Variants in EPHX2 observed in about 807,000 individuals in gnomAD.
The protein encoded by EPHX2 is epoxide hydrolase 2.
In EPHX2, 74 loss-of-function variants were observed where a neutral mutation model predicts 78.7. The observed-to-expected ratio is 0.94, with a 90% confidence interval of 0.78 to 1.14. The LOEUF is 1.14. Ranked by LOEUF, EPHX2 falls within the 50% of genes most tolerant of loss-of-function variation. The pLI is 0.00. For synonymous variants in EPHX2, 251 were observed against 255.2 expected, an observed-to-expected ratio of 0.98 and a Z score of 0.16; for missense variants, 715 against 702.5, an observed-to-expected ratio of 1.02 and a Z score of -0.20.
chr8:27,548,099 G>A (rs17057357), downstream of EPHX2, among the ~76,000 whole-genome samples: 6,576 of 152,192 alleles, frequency 0.043, 250 homozygotes, highest in East Asian at 0.21. Context: ...TGTCAAGGAA[G>A]GACCACTTAG....
chr8:27,519,210 A>C (rs993687923), intron 9 of EPHX2, among the ~76,000 whole-genome samples: 1 of 152,250 alleles, frequency 6.6e-6, no homozygotes, highest in African/African-American at 2.4e-5. Context: ...AATGGAGACA[A>C]CCCACATGTC....
In EPHX2 at chr8:27,540,680, C is replaced by G. The variant is rs778219025; in HGVS notation, c.1379+24C>G. 1.9e-6 allele frequency: 3 copies of G among 1,603,328 alleles called. No individual in the cohort carries two copies. The South Asian group carries it at 3.3e-5, about 18-fold the overall frequency. ...AGGTAAAGAGAGCACAGGGCCCAGA[C>G]ACAGATGAGAGATGATCGACAGATA... On this transcript the variant is annotated intron_variant, in intron 15 of 18. Transcript: ENST00000521400.
chr8:27,542,574 G>A (rs72478904), intron 16 of EPHX2, among the ~76,000 whole-genome samples: 1,887 of 152,282 alleles, frequency 0.012, 36 homozygotes, highest in African/African-American at 0.043. Flanking sequence ...CTCTCAAAGC[G>A]TGGAGGAAAA....
chr8:27,514,973 T>G (rs557176404), intron 6 of EPHX2, among the ~76,000 whole-genome samples: 1 of 152,268 alleles, frequency 6.6e-6, no homozygotes, highest in Admixed American at 6.5e-5. Flanking sequence ...TAAACAGCTC[T>G]TAATGAAACA....
At chr8:27,537,564 T>C (rs923929569) in intron 13 of EPHX2, among the ~76,000 whole-genome samples, 2 of 152,234 alleles carry the variant, frequency 1.3e-5, no homozygotes, top group African/African-American at 4.8e-5. Flanking sequence ...TCCTGGACAC[T>C]GCAGTGTCTG....
In EPHX2 at chr8:27,544,774, A is replaced by T; in HGVS notation, c.*252A>T. On this transcript the variant is annotated 3_prime_UTR_variant, in exon 19 of 19. Transcript: ENST00000521400. ...CGTCCCTTTATCTGTAAGAACCCTTAGTGTCCTGTAGGGGGACAGAATGGG... is the reference window on the plus strand; with the variant it reads ...CGTCCCTTTATCTGTAAGAACCCTTTGTGTCCTGTAGGGGGACAGAATGGG... 3.8e-6 allele frequency: 2 copies of T among 527,268 alleles called. No homozygotes were observed. The highest frequency in any genetic ancestry group is 5.0e-5 in the South Asian group (2 of 40,334). The allele number at this position is 527,268 out of a possible 1,614,324, so 32.7% of individuals were successfully genotyped here.
At chr8:27,529,350 C>T (rs1563357723) in intron 12 of EPHX2, among the ~76,000 whole-genome samples, 1 of 152,178 alleles carries the variant, frequency 6.6e-6, no homozygotes, top group Non-Finnish European at 1.5e-5. Context: ...GTGGAATCGG[C>T]TGGGTCATTT....
intron 5 of EPHX2, among the ~76,000 whole-genome samples, chr8:27,509,256 T>C (rs536988801): frequency 2.0e-5 from 3 of 152,218 alleles, no homozygotes; most frequent in Admixed American, 6.5e-5. Context: ...ATAGATCACA[T>C]TGGGTTTATC....
chr8:27,497,075 T>G (rs1468326066), intron 1 of EPHX2, among the ~76,000 whole-genome samples: 1 of 152,156 alleles, frequency 6.6e-6, no homozygotes, highest in African/African-American at 2.4e-5. Flanking sequence ...TAACAGACCT[T>G]GAGGACAGCC....
intron 6 of EPHX2, among the ~76,000 whole-genome samples, chr8:27,514,795 C>T (rs977727214): frequency 7.2e-5 from 11 of 152,090 alleles, no homozygotes; most frequent in Admixed American, 2.0e-4. Flanking sequence ...CTCACTTGTG[C>T]GTCCACACCG....
intron 1 of EPHX2, chr8:27,492,921 G>C (rs796858109): frequency 3.2e-5 from 5 of 154,338 alleles, no homozygotes; most frequent in African/African-American, 1.2e-4. Context: ...CTGGGAACTG[G>C]GTGATGACCA....
chr8:27,516,184 G>C, intron 7 of EPHX2, 136 bp from the exon 8 acceptor site: 1 of 892,912 alleles, frequency 1.1e-6, no homozygotes, highest in Admixed American at 2.1e-5. Flanking sequence ...TCAGCTCCAT[G>C]GCAAAGTTAC....
intron 16 of EPHX2, among the ~76,000 whole-genome samples, chr8:27,543,006 T>TCCCCCC (rs60846123): frequency 7.6e-4 from 76 of 99,718 alleles, no homozygotes; most frequent in Non-Finnish European, 1.1e-3. Flanking sequence ...TCCCATCCTC[T>TCCCCCC]CCCCCCCCCG....
intron 12 of EPHX2, among the ~76,000 whole-genome samples, chr8:27,526,251 G>A (rs964573155): frequency 1.3e-5 from 2 of 152,196 alleles, no homozygotes; most frequent in Non-Finnish European, 2.9e-5. Flanking sequence ...TCGATTCAAC[G>A]AGTAACTGTT....
At chr8:27,540,051 A>G (rs1343076208) in intron 14 of EPHX2, among the ~76,000 whole-genome samples, 1 of 152,222 alleles carries the variant, frequency 6.6e-6, no homozygotes, top group East Asian at 1.9e-4. Flanking sequence ...GGGATACCAC[A>G]GAGGGTCTGT....
chr8:27,547,376 G>A (rs1815592176), downstream of EPHX2, among the ~76,000 whole-genome samples: 1 of 152,166 alleles, frequency 6.6e-6, no homozygotes, highest in South Asian at 2.1e-4. Context: ...AGTACAAATG[G>A]CAAGGAGTGT....
chr8:27,516,319 G>A lies in EPHX2; in HGVS notation c.832-1G>A, dbSNP rs778933824. ...CTGGAGTGTGCCTGTTTGTTTTCTA[G>A]ATCCCTGCTCTGGCCCAGGCAGGTT... On this transcript the variant is annotated splice_acceptor_variant, in intron 7 of 18. Coordinates refer to ENST00000521400, the MANE Select transcript of EPHX2 (RefSeq NM_001979.6). LOFTEE classifies it high-confidence loss of function. 6.2e-7 allele frequency: 1 copy of A among 1,613,772 alleles called. No homozygotes were observed. Among genetic ancestry groups the A allele is most frequent in the Non-Finnish European group, 8.5e-7 (1 of 1,179,734 alleles).
chr8:27,506,810 A>T (rs1253029703), intron 4 of EPHX2, 62 bp from the exon 5 acceptor site: 1 of 1,579,664 alleles, frequency 6.3e-7, no homozygotes. Context: ...ATCATAAAAT[A>T]GCCCCTGTTT....
At position 27,525,469 on chromosome 8, in the gene EPHX2, A is replaced by T. The variant is rs1397579113; in HGVS notation, c.1166A>T (p.Glu389Val). 1.2e-6 allele frequency: 2 copies of T among 1,613,010 alleles called. No individual in the cohort carries two copies. The highest frequency in any genetic ancestry group is 1.7e-6 in the Non-Finnish European group (2 of 1,179,066). ...TTTGATTACCAGCTCTACTTCCAAG[A>T]ACCAGTAAGTATGGCACCAAGGGCA... ...PVFDYQLYFQ[E>V]PGVAEAELEQ... The change falls in exon 12 of 19, where the codon GAA (glutamate) becomes GTA (valine). Residue 389 changes from glutamate to valine, a missense_variant. Glu to Val is a moderately radical substitution (Grantham distance 121, BLOSUM62 -2). Coordinates refer to ENST00000521400, the MANE Select transcript of EPHX2 (RefSeq NM_001979.6).
Sources: gnomAD v4.1 joint callset for allele counts (sites outside exome capture counted in the v4.1 genomes callset) on GRCh38, gnomAD v4.1.1 for gene constraint, MANE v1.5 for transcripts, NCBI Gene and HGNC (gene_info 2026-07-23, HGNC 2026-07-21) for gene names.